TARBP1: variants seen among roughly 807,000 people sequenced by gnomAD.
TARBP1 encodes the protein tRNA guanosine 2 -O-methyltransferase TARBP1.
Under a neutral mutation model 178.6 loss-of-function variants are expected in TARBP1, and 144 were observed. The observed-to-expected ratio is 0.81, with a 90% CI of 0.70 to 0.93. The LOEUF (loss-of-function observed/expected upper bound fraction) is 0.93, where lower values mean the gene tolerates loss of function less well. TARBP1 is among the 40% of genes least tolerant of loss of function. The pLI is 0.00. For synonymous variants in TARBP1, 787 were observed against 781.0 expected, an observed-to-expected ratio of 1.01 and a Z score of -0.13; for missense variants, 2,067 against 2,011.7, an observed-to-expected ratio of 1.03 and a Z score of -0.53.
chr1:234,473,412 G>C (rs1669264087), intron 1 of TARBP1, among the ~76,000 whole-genome samples: 3 of 152,204 alleles, frequency 2.0e-5, no homozygotes, highest in African/African-American at 7.2e-5. Flanking sequence ...TGCTTTTCTG[G>C]AGAAGGTAAA....
chr1:234,433,332 T>TAGTGTATA, intron 14 of TARBP1, 78 bp downstream of exon 14: 1 of 1,396,542 alleles, frequency 7.2e-7, no homozygotes, highest in Non-Finnish European at 9.9e-7. Context: ...GGTATCAAAA[T>TAGTGTATA]AGTGTATAAG....
In TARBP1 at chr1:234,391,634, C is replaced by A. The variant is rs747974304; in HGVS notation, c.4809G>T (p.Leu1603=). The A allele has an allele frequency of 6.1e-5, 99 of 1,613,506 alleles. No individual in the cohort carries two copies. Among genetic ancestry groups the A allele is most frequent in the Non-Finnish European group, 7.2e-5 (85 of 1,180,006 alleles). The change falls in exon 30 of 30, where the codon CTG becomes CTT. Residue 1603 remains leucine (L), a synonymous_variant. Transcript: ENST00000040877. ...RSLNVHVSGA[L]LIWEYTRQQL... ...GCTGCCTGGTGTACTCCCAGATCAGCAGGGCTCCACTCACATGGACATTCA... is the reference window on the plus strand; with the variant it reads ...GCTGCCTGGTGTACTCCCAGATCAGAAGGGCTCCACTCACATGGACATTCA...
At chr1:234,448,621 T>C (rs764331672) in intron 10 of TARBP1, 42 bp from the exon 11 acceptor site, 2 of 1,510,744 alleles carry the variant, frequency 1.3e-6, no homozygotes, top group South Asian at 2.3e-5. Context: ...ATTAACAAAA[T>C]CCTTCAAGGA....
intron 7 of TARBP1, 39 bp downstream of exon 7, chr1:234,460,222 G>A (rs1308148820): frequency 6.4e-7 from 1 of 1,563,814 alleles, no homozygotes; most frequent in Admixed American, 2.0e-5. Flanking sequence ...GGAAAGTCAT[G>A]GCAAATAACC....
chr1:234,471,101 A>G, intron 3 of TARBP1, 87 bp downstream of exon 3: 1 of 1,029,880 alleles, frequency 9.7e-7, no homozygotes, highest in Non-Finnish European at 1.4e-6. Context: ...TAGTTTTTCA[A>G]AATTCTCTAC....
At chr1:234,409,100 G>A (rs928947357) in intron 23 of TARBP1, among the ~76,000 whole-genome samples, 4 of 151,924 alleles carry the variant, frequency 2.6e-5, no homozygotes, top group South Asian at 2.1e-4. Flanking sequence ...TATCACAAAT[G>A]AAGAGACTGA....
chr1:234,430,846 C>T (rs1664362637), intron 14 of TARBP1, among the ~76,000 whole-genome samples: 1 of 152,210 alleles, frequency 6.6e-6, no homozygotes, highest in South Asian at 2.1e-4. Context: ...GGTCTGAATC[C>T]TAGCTCTGTG....
intron 12 of TARBP1, among the ~76,000 whole-genome samples, chr1:234,438,115 A>T (rs1486012942): frequency 6.6e-6 from 1 of 152,240 alleles, no homozygotes; most frequent in East Asian, 1.9e-4. Context: ...CACAGAAGCT[A>T]AGTCAGAATG....
At chr1:234,467,686 C>G in intron 3 of TARBP1, 36 bp from the exon 4 acceptor site, 1 of 1,531,906 alleles carries the variant, frequency 6.5e-7, no homozygotes, top group Middle Eastern at 1.8e-4. Context: ...ACATCTGATT[C>G]TGTCTTCATT....
chr1:234,416,769 G>A (rs755922959), intron 22 of TARBP1, among the ~76,000 whole-genome samples: 1 of 152,162 alleles, frequency 6.6e-6, no homozygotes, highest in African/African-American at 2.4e-5. Flanking sequence ...CATCAGAAAG[G>A]GGAGCCAATT....
chr1:234,459,368 G>T, intron 7 of TARBP1, 42 bp from the exon 8 acceptor site: 1 of 1,422,826 alleles, frequency 7.0e-7, no homozygotes, highest in Non-Finnish European at 9.7e-7. Flanking sequence ...TATTCCCAAA[G>T]ACAATTCTGA....
chr1:234,397,204 G>A (rs1191129206), intron 26 of TARBP1, among the ~76,000 whole-genome samples: 2 of 24,058 alleles, frequency 8.3e-5, no homozygotes, highest in Non-Finnish European at 1.8e-4. Context: ...GACTGTGAAG[G>A]GGAAGAGGAG....
At chr1:234,435,728 G>A (rs1305052643) in intron 13 of TARBP1, among the ~76,000 whole-genome samples, 2 of 152,300 alleles carry the variant, frequency 1.3e-5, no homozygotes, top group East Asian at 3.9e-4. Flanking sequence ...ACTGGAAATT[G>A]AGAGCATTCC....
chr1:234,455,849 GA>G (rs936093174), intron 9 of TARBP1, among the ~76,000 whole-genome samples: 1 of 147,086 alleles, frequency 6.8e-6, no homozygotes, highest in Non-Finnish European at 1.5e-5. Flanking sequence ...AAGTAAAAAA[GA>G]AAAAAAAACC....
rs563433336 is a variant in TARBP1 at position 234,478,337 on chromosome 1, C to A, written c.767G>T (p.Gly256Val). ...GCGCCAGCAGCGCCGGGCGTCCGGG[C>A]CCGCCTCGCGCGCGCCGCGGGCGCG... ...GDRARGAREA[G>V]PDARRCWRFW... Residue 256 changes from glycine (G) to valine (V), a missense_variant, in exon 1 of 30, where the codon GGC (glycine) becomes GTC (valine). Transcript: ENST00000040877. 4.9e-5 allele frequency: 63 copies of A among 1,292,324 alleles called. No homozygotes were observed. The East Asian group carries it at 1.9e-3, about 39-fold the overall frequency. 80.1% of individuals were successfully genotyped at this position (1,292,324 alleles called of 1,614,324 possible). A position where few individuals can be genotyped will look rare whatever the true frequency, so the allele number is the denominator to read the frequency against.
chr1:234,451,835 G>A (rs956693755), intron 9 of TARBP1, among the ~76,000 whole-genome samples: 1 of 151,898 alleles, frequency 6.6e-6, no homozygotes, highest in Non-Finnish European at 1.5e-5. Flanking sequence ...GAGTGAGCAA[G>A]TCAATGACGC....
intron 24 of TARBP1, chr1:234,405,352 G>A (rs1318950695): frequency 1.3e-5 from 2 of 152,342 alleles, no homozygotes; most frequent in African/African-American, 4.8e-5. Flanking sequence ...TCTGCACCGT[G>A]ACAGGTGCGG....
At position 234,459,264 on chromosome 1, in the gene TARBP1, T is replaced by C. The variant is rs749376873; in HGVS notation, c.1598A>G (p.Tyr533Cys). 3.1e-6 allele frequency: 5 copies of C among 1,612,868 alleles called. No homozygotes were observed. The highest frequency in any genetic ancestry group is 1.7e-5 in the Admixed American group (1 of 59,728). The change falls in exon 8 of 30, where the codon TAC becomes TGC. Residue 533 changes from tyrosine (Y) to cysteine (C), a missense_variant. Transcript: ENST00000040877. Reference sequence around the variant, plus strand: ...CAAATTCATAGCTGTTTGAAGAAGGTAGCATTGGGCTGCCCCTCTCAGGAG... The same window carrying C: ...CAAATTCATAGCTGTTTGAAGAAGGCAGCATTGGGCTGCCCCTCTCAGGAG... ...QILLRGAAQC[Y>C]LLQTAMNLLD...
intron 12 of TARBP1, among the ~76,000 whole-genome samples, chr1:234,440,445 A>G (rs1665471476): frequency 6.6e-6 from 1 of 151,934 alleles, no homozygotes; most frequent in East Asian, 1.9e-4. Flanking sequence ...AACCACTAGC[A>G]AGCCAGAGAC....
Sources: gnomAD v4.1 joint callset for allele counts (sites outside exome capture counted in the v4.1 genomes callset) on GRCh38, gnomAD v4.1.1 for gene constraint, MANE v1.5 for transcripts, NCBI Gene and HGNC (gene_info 2026-07-23, HGNC 2026-07-21) for gene names.